The following DCC variants were observed in gnomAD, a reference collection of about 807,000 sequenced individuals.
The protein encoded by DCC is DCC netrin 1 receptor, also known as netrin receptor DCC.
A neutral mutation model predicts 172.5 loss-of-function variants in DCC; 58 were observed. The observed-to-expected ratio is 0.34, with a 90% CI of 0.27 to 0.42. The LOEUF (loss-of-function observed/expected upper bound fraction) is 0.42. DCC is among the 10% of genes least tolerant of loss of function. The pLI, the probability that DCC is intolerant of heterozygous loss-of-function variation, is 1.00. For missense variants in DCC, 1,740 were observed against 1,791.0 expected (o/e 0.97, Z 0.51); for synonymous variants, 709 against 644.5 (o/e 1.10, Z -1.52).
intron 7 of DCC, among the ~76,000 whole-genome samples, chr18:53,156,438 G>A (rs572160381): frequency 4.0e-5 from 6 of 151,226 alleles, no homozygotes; most frequent in Admixed American, 1.3e-4. Flanking sequence ...AGCCAAGATC[G>A]TGCCAGTGCA....
chr18:52,924,312 T>G lies in DCC; in HGVS notation c.848+455T>G, dbSNP rs1283923437. ...AAAACATTACAGTCTACACTGTTAT[T>G]ATATGCAATTTTTGTCAACTGTACT... On this transcript the variant is annotated intron_variant, in intron 4 of 28. Transcript: ENST00000442544. Among the ~76,000 whole-genome samples, 7 of 152,250 alleles carry G rather than the reference T, an allele frequency of 4.6e-5. No homozygotes were observed. The East Asian group carries it at 7.7e-4, about 17-fold the overall frequency.
intron 2 of DCC, among the ~76,000 whole-genome samples, chr18:52,853,144 T>A (rs1421698445): frequency 1.3e-5 from 2 of 152,100 alleles, no homozygotes; most frequent in Non-Finnish European, 2.9e-5. Context: ...GGAGTTTGAA[T>A]AGAGACAAAA....
intron 3 of DCC, among the ~76,000 whole-genome samples, chr18:52,923,090 A>T (rs1199222145): frequency 6.6e-6 from 1 of 152,062 alleles, no homozygotes; most frequent in Non-Finnish European, 1.5e-5. Context: ...GGGCAAACTC[A>T]CTCTTTGAAA....
At chr18:53,103,715 G>T (rs1158318605) in intron 7 of DCC, among the ~76,000 whole-genome samples, 2 of 152,004 alleles carry the variant, frequency 1.3e-5, no homozygotes, top group East Asian at 1.9e-4. Context: ...CTAATTTAAA[G>T]TTCTATTTCT....
chr18:52,552,653 C>T (rs1194080409), intron 1 of DCC, among the ~76,000 whole-genome samples: 3 of 151,954 alleles, frequency 2.0e-5, no homozygotes, highest in African/African-American at 7.2e-5. Flanking sequence ...AATTTTTCCA[C>T]GTGCTACTAA....
chr18:53,333,235 T>C (rs1405100184), intron 14 of DCC, among the ~76,000 whole-genome samples: 1 of 152,208 alleles, frequency 6.6e-6, no homozygotes, highest in Non-Finnish European at 1.5e-5. Flanking sequence ...TGATGTCCTT[T>C]GGTGAGAACA....
At chr18:52,775,241 G>A (rs1367549351) in intron 2 of DCC, among the ~76,000 whole-genome samples, 2 of 152,086 alleles carry the variant, frequency 1.3e-5, no homozygotes, top group South Asian at 2.1e-4. Flanking sequence ...TTCTAGGGGA[G>A]CATACAGATG....
chr18:52,823,856 T>A (rs745691896), intron 2 of DCC, among the ~76,000 whole-genome samples: 2 of 152,086 alleles, frequency 1.3e-5, no homozygotes, highest in Non-Finnish European at 2.9e-5. Flanking sequence ...CATAAAACTT[T>A]TATGTCCAGG....
chr18:52,375,737 A>C (rs558846747), intron 1 of DCC, among the ~76,000 whole-genome samples: 4 of 152,316 alleles, frequency 2.6e-5, no homozygotes, highest in Admixed American at 2.6e-4. Flanking sequence ...TATTATACAA[A>C]GCAGTGTGAA....
At chr18:53,414,555 A>G (rs1414594095) in intron 20 of DCC, among the ~76,000 whole-genome samples, 1 of 152,178 alleles carries the variant, frequency 6.6e-6, no homozygotes, top group Non-Finnish European at 1.5e-5. Flanking sequence ...GAATTGTAAA[A>G]TTATAAACAT....
At chr18:52,870,141 G>A (rs1005449136) in intron 2 of DCC, among the ~76,000 whole-genome samples, 5 of 152,202 alleles carry the variant, frequency 3.3e-5, no homozygotes, top group Admixed American at 6.5e-5. Context: ...GCTCCGGGGA[G>A]TGCTGCACGA....
chr18:53,249,440 C>A (rs1432877059), intron 12 of DCC, among the ~76,000 whole-genome samples: 1 of 151,664 alleles, frequency 6.6e-6, no homozygotes, highest in Non-Finnish European at 1.5e-5. Context: ...TATGACAGAT[C>A]AAGGGCTATG....
intron 23 of DCC, among the ~76,000 whole-genome samples, chr18:53,452,872 T>A (rs190032992): frequency 6.6e-6 from 1 of 151,720 alleles, no homozygotes; most frequent in African/African-American, 2.4e-5. Flanking sequence ...AAGTTATTTC[T>A]GAACTATAGT....
intron 12 of DCC, among the ~76,000 whole-genome samples, chr18:53,240,231 T>C (rs1455008310): frequency 3.3e-5 from 5 of 152,016 alleles, no homozygotes; most frequent in Non-Finnish European, 7.4e-5. Flanking sequence ...GATAAACTTA[T>C]AGACATGCTC....
chr18:52,911,163 G>A (rs1019894738), intron 3 of DCC, among the ~76,000 whole-genome samples: 1 of 152,004 alleles, frequency 6.6e-6, no homozygotes, highest in Admixed American at 6.6e-5. Context: ...ATAATGATCT[G>A]TGTAACAAAG....
intron 11 of DCC, among the ~76,000 whole-genome samples, chr18:53,210,093 C>T (rs904226917): frequency 5.3e-5 from 8 of 152,208 alleles, no homozygotes; most frequent in African/African-American, 9.6e-5. Context: ...ACCGTGACCT[C>T]GTTTGCATTC....
At chr18:52,372,962 C>T (rs1032842943) in intron 1 of DCC, among the ~76,000 whole-genome samples, 1 of 152,166 alleles carries the variant, frequency 6.6e-6, no homozygotes, top group Non-Finnish European at 1.5e-5. Context: ...ACACCATTAT[C>T]TTGTTAGGGA....
At chr18:52,947,576 A>C (rs1333592056) in intron 5 of DCC, among the ~76,000 whole-genome samples, 2 of 152,226 alleles carry the variant, frequency 1.3e-5, no homozygotes, top group African/African-American at 4.8e-5. Context: ...CACGTATCCC[A>C]CTGCCTCTTG....
chr18:53,095,031 A>G (rs949558758), intron 7 of DCC, among the ~76,000 whole-genome samples: 1 of 152,348 alleles, frequency 6.6e-6, no homozygotes, highest in Non-Finnish European at 1.5e-5. Flanking sequence ...AACTTCTATT[A>G]TCACAATGAT....
Sources: allele counts gnomAD v4.1 joint callset (sites outside exome capture counted in the v4.1 genomes callset), GRCh38; gene constraint gnomAD v4.1.1; transcripts MANE v1.5; gene names NCBI Gene and HGNC (gene_info 2026-07-23, HGNC 2026-07-21).